The following CACNA2D3 variants were observed in gnomAD, a reference collection of about 807,000 sequenced individuals.
The protein encoded by CACNA2D3 is voltage-dependent calcium channel subunit alpha-2/delta-3.
In CACNA2D3, 60 loss-of-function variants were observed where a neutral mutation model predicts 160.6. The observed-to-expected ratio is 0.37, with a 90% CI of 0.30 to 0.46. The LOEUF (loss-of-function observed/expected upper bound fraction) is 0.46. CACNA2D3 is among the 20% of genes least tolerant of loss of function. The pLI is 1.00. For synonymous variants in CACNA2D3, 558 were observed against 492.9 expected (o/e 1.13, Z -1.75); for missense variants, 1,205 against 1,365.0 (o/e 0.88, Z 1.85).
At chr3:54,678,935 A>G (rs933958882) in intron 11 of CACNA2D3, among the ~76,000 whole-genome samples, 2 of 152,184 alleles carry the variant, frequency 1.3e-5, no homozygotes, top group Non-Finnish European at 1.5e-5. Context: ...TTTGTTTTCT[A>G]TAATGCAAGA....
rs568195005 is a variant in CACNA2D3 at position 54,850,179 on chromosome 3, G to T, written c.1626+3712G>T. Among the ~76,000 whole-genome samples the T allele has an allele frequency of 3.3e-5, 5 of 152,262 alleles. 1 individual carries two copies. The South Asian group carries it at 8.3e-4, about 25-fold the overall frequency. On this transcript the variant is annotated intron_variant, in intron 17 of 37. Transcript: ENST00000474759. The stretch of plus-strand genomic sequence containing the variant: ...GTGACTTCCTGATAGATTAACTGAT[G>T]TTGGTTCAGCAAGCATTGCCCTTGT...
intron 4 of CACNA2D3, among the ~76,000 whole-genome samples, chr3:54,416,187 T>C (rs150515010): frequency 1.1e-4 from 17 of 152,348 alleles, no homozygotes; most frequent in Non-Finnish European, 1.6e-4. Context: ...TACTTAGTTG[T>C]TGACACTTGC....
intron 27 of CACNA2D3, among the ~76,000 whole-genome samples, chr3:54,934,357 C>A (rs556928029): frequency 6.6e-6 from 1 of 152,262 alleles, no homozygotes; most frequent in East Asian, 1.9e-4. Flanking sequence ...ACCAAGGCTG[C>A]CATACGTTTT....
chr3:54,756,518 A>G (rs891030333), intron 12 of CACNA2D3, among the ~76,000 whole-genome samples: 1 of 152,174 alleles, frequency 6.6e-6, no homozygotes, highest in Non-Finnish European at 1.5e-5. Context: ...CATGAGGTCC[A>G]GAGGGCCCCC....
At chr3:54,558,410 A>AT (rs775504740) in intron 5 of CACNA2D3, among the ~76,000 whole-genome samples, 2,947 of 151,170 alleles carry the variant, frequency 0.019, 42 homozygotes, top group Non-Finnish European at 0.03. Context: ...TAGGGTGGGT[A>AT]TTTTTTTTTT....
intron 13 of CACNA2D3, among the ~76,000 whole-genome samples, chr3:54,808,061 G>A (rs186320456): frequency 0.014 from 1,508 of 105,224 alleles, 40 homozygotes; most frequent in African/African-American, 0.052. Context: ...GTTGTGGGGT[G>A]GGGGGAGGGG....
At chr3:54,341,090 G>A (rs1698332822) in intron 3 of CACNA2D3, among the ~76,000 whole-genome samples, 2 of 152,210 alleles carry the variant, frequency 1.3e-5, no homozygotes, top group Admixed American at 1.3e-4. Flanking sequence ...TCAAATGTCA[G>A]TTCTCAAAAA....
intron 13 of CACNA2D3, among the ~76,000 whole-genome samples, chr3:54,794,194 AT>A: frequency 6.6e-6 from 1 of 152,128 alleles, no homozygotes; most frequent in Middle Eastern, 3.4e-3. Context: ...TTTAACTTCC[AT>A]TTTATCTCCA....
At chr3:54,676,700 G>A (rs927312526) in intron 11 of CACNA2D3, among the ~76,000 whole-genome samples, 17 of 152,166 alleles carry the variant, frequency 1.1e-4, no homozygotes, top group African/African-American at 3.6e-4. Flanking sequence ...CCTGAAGTTC[G>A]ATTAGTTGGG....
chr3:54,822,791 C>CTTTTCTTTCT (rs1559595620), intron 14 of CACNA2D3, among the ~76,000 whole-genome samples: 1 of 44,434 alleles, frequency 2.3e-5, no homozygotes, highest in African/African-American at 1.0e-4. Context: ...TCTTTCTTTC[C>CTTTTCTTTCT]TTTCTTTCTT....
chr3:55,020,405 CATATGTATATGTATTATACATAATCT>C (rs1703421138), intron 35 of CACNA2D3, among the ~76,000 whole-genome samples: 2 of 146,560 alleles, frequency 1.4e-5, no homozygotes, highest in South Asian at 4.3e-4. Flanking sequence ...ATATATAATA[CATATGTATATGTATTATACATAATCT>C]AGTATATATT....
At chr3:54,285,378 G>C (rs770626541) in intron 2 of CACNA2D3, among the ~76,000 whole-genome samples, 1 of 152,210 alleles carries the variant, frequency 6.6e-6, no homozygotes, top group African/African-American at 2.4e-5. Context: ...AGCGAGGCTG[G>C]GGGAGGGTCG....
chr3:54,658,753 A>G (rs1056810144), intron 11 of CACNA2D3, among the ~76,000 whole-genome samples: 1 of 152,074 alleles, frequency 6.6e-6, no homozygotes, highest in African/African-American at 2.4e-5. Flanking sequence ...TGAAAACTGG[A>G]GGCTTCTGGT....
chr3:54,680,480 G>A (rs576714418), intron 11 of CACNA2D3, among the ~76,000 whole-genome samples: 1 of 152,218 alleles, frequency 6.6e-6, no homozygotes, highest in Admixed American at 6.5e-5. Flanking sequence ...CCTACCCCCA[G>A]CCTGGGTCTT....
At chr3:55,033,881 C>CATAAAAAT (rs1703756097) in intron 35 of CACNA2D3, among the ~76,000 whole-genome samples, 1 of 89,578 alleles carries the variant, frequency 1.1e-5, no homozygotes, top group Non-Finnish European at 2.1e-5. Context: ...ATATATATTA[C>CATAAAAAT]ATATTAAGTA....
At chr3:54,356,118 C>T (rs1423747095) in intron 3 of CACNA2D3, among the ~76,000 whole-genome samples, 5 of 22,814 alleles carry the variant, frequency 2.2e-4, no homozygotes, top group Non-Finnish European at 4.6e-4. Context: ...GGTGGGAGGG[C>T]GGGGACATTG....
intron 2 of CACNA2D3, among the ~76,000 whole-genome samples, chr3:54,192,752 C>T (rs1701006832): frequency 6.6e-6 from 1 of 152,102 alleles, no homozygotes; most frequent in African/African-American, 2.4e-5. Flanking sequence ...CAGTGCTGCC[C>T]TCCAGGTATC....
chr3:54,627,891 G>C lies in CACNA2D3; in HGVS notation c.1053+15G>C, dbSNP rs1172948203. ...TTCTGAGTGATGTAAGTTCCTCTTT[G>C]ATTTGCCTTTCTCATCCCTTGGAGA... On this transcript the variant is annotated intron_variant, in intron 10 of 37. Transcript: ENST00000474759. 1.3e-6 allele frequency: 2 copies of C among 1,534,220 alleles called. No homozygotes were observed. Among genetic ancestry groups the C allele is most frequent in the Non-Finnish European group, 1.8e-6 (2 of 1,115,930 alleles).
intron 19 of CACNA2D3, 27 bp downstream of exon 19, chr3:54,879,116 G>C (rs766602007): frequency 5.4e-6 from 8 of 1,479,868 alleles, no homozygotes; most frequent in Non-Finnish European, 1.9e-6. Context: ...CATTTTTGCT[G>C]CTTAATTTAA....
Sources: gnomAD v4.1 joint callset for allele counts (sites outside exome capture counted in the v4.1 genomes callset) on GRCh38, gnomAD v4.1.1 for gene constraint, MANE v1.5 for transcripts, NCBI Gene and HGNC (gene_info 2026-07-23, HGNC 2026-07-21) for gene names.